Variants in SEC14L5 observed in about 807,000 individuals in gnomAD.
The protein encoded by SEC14L5 is SEC14-like protein 5.
SEC14L5 carries 96 observed loss-of-function variants against 84.6 expected under a neutral mutation model. The ratio of observed to expected loss-of-function variants is 1.13; its 90% CI spans 0.96 to 1.34. The LOEUF (loss-of-function observed/expected upper bound fraction) is 1.34, where lower values mean the gene tolerates loss of function less well. SEC14L5 is among the 40% of genes most tolerant of loss of function. The pLI, the probability that SEC14L5 is intolerant of heterozygous loss-of-function variation, is 0.00. For missense variants in SEC14L5, 1,224 were observed against 942.5 expected, an observed-to-expected ratio of 1.30 and a Z score of -3.91; for synonymous variants, 546 against 383.4, an observed-to-expected ratio of 1.42 and a Z score of -4.95.
At chr16:4,994,376 A>G (rs1225250612) in intron 6 of SEC14L5, among the ~76,000 whole-genome samples, 1 of 150,168 alleles carries the variant, frequency 6.7e-6, no homozygotes, top group South Asian at 2.1e-4. Context: ...TTTTTTTTTT[A>G]TCTGTCACCC....
Position 4,959,230 on chromosome 16 carries a change from C to T in SEC14L5, c.-51-43C>T. 4 of 945,834 alleles carry T rather than the reference C, an allele frequency of 4.2e-6. 1 individual carries two copies. Among genetic ancestry groups the T allele is most frequent in the Middle Eastern group, 4.2e-4 (2 of 4,736 alleles). 58.6% of individuals were successfully genotyped at this position (945,834 alleles called of 1,614,324 possible). ...ACTTGGTGGGTGGTGTCCCTGCTTCCCGAGGTGGGAGCTGCAACCTCACCA... is the reference window on the plus strand; with the variant it reads ...ACTTGGTGGGTGGTGTCCCTGCTTCTCGAGGTGGGAGCTGCAACCTCACCA... On this transcript the variant is annotated intron_variant, in intron 1 of 15. Transcript: ENST00000251170.
chr16:4,977,829 G>A (rs973868872), intron 2 of SEC14L5, among the ~76,000 whole-genome samples: 2 of 151,270 alleles, frequency 1.3e-5, no homozygotes, highest in African/African-American at 4.9e-5. Flanking sequence ...TTTTGAGATG[G>A]AGTCTCTGTC....
At position 5,008,594 on chromosome 16, in the gene SEC14L5, G is replaced by GGAT. The variant is rs1203908812; in HGVS notation, c.1747_1749dup (p.Asp583dup). The GGAT allele has an allele frequency of 6.2e-7, 1 of 1,604,024 alleles. No individual in the cohort carries two copies. The highest frequency in any genetic ancestry group is 1.4e-5 in the African/African-American group (1 of 74,058). The stretch of plus-strand genomic sequence containing the variant: ...TCGACAAAGGCTGGGTCCTGGGCAG[G>GGAT]GATTACAGCCGTGTGGAGGCTCCCC... On this transcript the variant is annotated inframe_insertion, in exon 14 of 16. Transcript: ENST00000251170.
At chr16:4,986,333 T>C (rs1382969124) in intron 2 of SEC14L5, among the ~76,000 whole-genome samples, 1 of 152,142 alleles carries the variant, frequency 6.6e-6, no homozygotes, top group Non-Finnish European at 1.5e-5. Flanking sequence ...AGAGATGGGG[T>C]TTCACCATGT....
At chr16:5,006,950 T>C (rs969682883) in intron 12 of SEC14L5, among the ~76,000 whole-genome samples, 2 of 151,994 alleles carry the variant, frequency 1.3e-5, no homozygotes, top group Non-Finnish European at 2.9e-5. Context: ...CAGTGACTGT[T>C]CCACCCCCGC....
rs1198613053 is a variant in SEC14L5, at chr16:4,987,661, G to GC, written c.169dup (p.Arg57ProfsTer20). 1.9e-6 allele frequency: 3 copies of GC among 1,549,564 alleles called. No individual in the cohort carries two copies. The highest frequency in any genetic ancestry group is 2.6e-6 in the Non-Finnish European group (3 of 1,149,502). On this transcript the variant is annotated frameshift_variant, in exon 3 of 16. Transcript: ENST00000251170. LOFTEE classifies it high-confidence loss of function. ...CGGACGGGGCTGTGCACGTGGTGGA[G>GC]CGGAGCTGCCGGCTGCGCGTGGACG...
chr16:5,004,745 T>C (rs1186964072), intron 11 of SEC14L5, among the ~76,000 whole-genome samples: 2 of 152,214 alleles, frequency 1.3e-5, no homozygotes, highest in Admixed American at 6.5e-5. Context: ...TGGCCTGTTA[T>C]CTGCCATGCC....
At chr16:5,007,837 G>T (rs113662793) in intron 13 of SEC14L5, among the ~76,000 whole-genome samples, 2 of 151,064 alleles carry the variant, frequency 1.3e-5, no homozygotes. Context: ...AAATCCTGAG[G>T]TCAGGTGATC....
chr16:4,990,945 C>T (rs1443151355), intron 5 of SEC14L5, 50 bp downstream of exon 5: 8 of 1,461,454 alleles, frequency 5.5e-6, no homozygotes, highest in Non-Finnish European at 7.3e-6. Context: ...CACACCTGCT[C>T]TGCCATCAAC....
chr16:5,000,563 A>T, intron 8 of SEC14L5, 92 bp from the exon 9 acceptor site: 1 of 934,016 alleles, frequency 1.1e-6, no homozygotes, highest in Non-Finnish European at 1.7e-6. Context: ...CAGCCTGAGG[A>T]GGTGAAGCTC....
intron 10 of SEC14L5, among the ~76,000 whole-genome samples, chr16:5,002,708 TCAAA>T (rs1382909978): frequency 2.6e-5 from 4 of 152,076 alleles, no homozygotes; most frequent in African/African-American, 7.2e-5. Flanking sequence ...GCCGCTGCAG[TCAAA>T]CAGTTATTTT....
chr16:4,987,503 G>GA (rs1253239317), intron 2 of SEC14L5, 54 bp from the exon 3 acceptor site: 2 of 1,441,842 alleles, frequency 1.4e-6, no homozygotes, highest in African/African-American at 1.5e-5. Flanking sequence ...GCGCTGGGGG[G>GA]GGGGGTCCCT....
At chr16:5,007,179 C>G (rs559609068) in intron 12 of SEC14L5, among the ~76,000 whole-genome samples, 173 bp from the exon 13 acceptor site, 1 of 152,298 alleles carries the variant, frequency 6.6e-6, no homozygotes, top group African/African-American at 2.4e-5. Flanking sequence ...GAATAATAGT[C>G]TCTACTGCAT....
In SEC14L5 at chr16:5,006,016, G is replaced by A. The variant is rs753002049; in HGVS notation, c.1405G>A (p.Val469Met). The A allele has an allele frequency of 1.2e-6, 2 of 1,613,968 alleles. No homozygotes were observed. The highest frequency in any genetic ancestry group is 2.2e-5 in the South Asian group (2 of 91,078). Reference protein sequence around the residue: ...GGLVDYLDREVIPDFLGGESV... With the variant: ...GGLVDYLDREMIPDFLGGESV... ...CCTTGTGGACTATCTGGATAGAGAA[G>A]TGATCCCTGACTTCCTTGGGGGAGA... Residue 469 changes from valine (V) to methionine (M), a missense_variant, in exon 12 of 16, where the codon GTG becomes ATG. By Grantham distance (21) the Val-to-Met change is conservative. Transcript: ENST00000251170.
chr16:4,969,362 G>A (rs527466612), intron 2 of SEC14L5, among the ~76,000 whole-genome samples: 2 of 151,924 alleles, frequency 1.3e-5, no homozygotes, highest in African/African-American at 4.8e-5. Context: ...AATGTCAGAG[G>A]CTCAAATGTG....
chr16:5,015,319 C>G lies in SEC14L5; in HGVS notation c.*349C>G, dbSNP rs1471405513. The stretch of plus-strand genomic sequence containing the variant: ...CACCTCTTGCTCTGCTTTCGCCATG[C>G]AGGGGACCATCACTATCAGGTGCCC... On this transcript the variant is annotated 3_prime_UTR_variant, in exon 16 of 16. Coordinates refer to ENST00000251170, the MANE Select transcript of SEC14L5 (RefSeq NM_014692.2). 2.9e-5 allele frequency: 7 copies of G among 243,246 alleles called. No homozygotes were observed. The East Asian group carries it at 5.1e-4, about 18-fold the overall frequency. The allele number at this position is 243,246 out of a possible 1,614,324, so 15.1% of individuals were successfully genotyped here. A position where few individuals can be genotyped will look rare whatever the true frequency, so the allele number is the denominator to read the frequency against.
At chr16:4,967,443 A>C (rs1157419393) in intron 2 of SEC14L5, among the ~76,000 whole-genome samples, 1 of 152,030 alleles carries the variant, frequency 6.6e-6, no homozygotes, top group Non-Finnish European at 1.5e-5. Flanking sequence ...TTAGGACTTC[A>C]ACATATCTAT....
At chr16:5,003,956 G>C (rs780849205) in intron 11 of SEC14L5, among the ~76,000 whole-genome samples, 36 of 152,220 alleles carry the variant, frequency 2.4e-4, no homozygotes, top group Non-Finnish European at 1.6e-4. Context: ...AACCCGGTGG[G>C]TACACGCGTG....
chr16:4,960,512 T>C lies in SEC14L5; in HGVS notation c.63+1126T>C, dbSNP rs142546367. On this transcript the variant is annotated intron_variant, in intron 2 of 15. Coordinates refer to ENST00000251170, the MANE Select transcript of SEC14L5 (RefSeq NM_014692.2). ...TATTCTATGAATCTACATGCGTATA[T>C]GTTTATTGTCACACAGAGGATTTAA... 77 of 152,362 alleles carry C rather than the reference T, an allele frequency of 5.1e-4. 1 individual carries two copies. Among genetic ancestry groups the C allele is most frequent in the African/African-American group, 1.6e-3 (66 of 41,560 alleles). 9.4% of individuals were successfully genotyped at this position (152,362 alleles called of 1,614,324 possible).
Sources: gnomAD v4.1 joint callset for allele counts (sites outside exome capture counted in the v4.1 genomes callset) on GRCh38, gnomAD v4.1.1 for gene constraint, MANE v1.5 for transcripts, NCBI Gene and HGNC (gene_info 2026-07-23, HGNC 2026-07-21) for gene names.